The following PDE11A variants were observed in gnomAD, a reference collection of about 807,000 sequenced individuals.
The protein encoded by PDE11A is phosphodiesterase 11A, also known as dual 3',5'-cyclic-AMP and -GMP phosphodiesterase 11A.
In PDE11A, 100 loss-of-function variants were observed where a neutral mutation model predicts 100.5. That is an observed-to-expected ratio of 1.00 (90% CI 0.85 to 1.18). The LOEUF is 1.18. Ranked by LOEUF, PDE11A falls within the 50% of genes most tolerant of loss-of-function variation. PDE11A has a pLI of 0.00. For missense variants in PDE11A, 1,141 were observed against 1,152.6 expected (o/e 0.99, Z 0.15); for synonymous variants, 381 against 420.8 (o/e 0.91, Z 1.16).
At chr2:177,895,318 C>T (rs949904584) in intron 4 of PDE11A, among the ~76,000 whole-genome samples, 3 of 151,950 alleles carry the variant, frequency 2.0e-5, no homozygotes, top group African/African-American at 7.3e-5. Context: ...TTTGGGAGGC[C>T]GAGGTGGGTG....
chr2:177,993,924 C>A (rs4893994), intron 2 of PDE11A, among the ~76,000 whole-genome samples: 90,850 of 150,324 alleles, frequency 0.6, 28,821 homozygotes, highest in Admixed American at 0.72. Context: ...AGATTAGACT[C>A]CGCAAATGTA....
intron 1 of PDE11A, among the ~76,000 whole-genome samples, chr2:178,107,279 G>A (rs954357898): frequency 6.6e-6 from 1 of 151,902 alleles, no homozygotes; most frequent in Non-Finnish European, 1.5e-5. Context: ...GAGCAGGATA[G>A]CAAGGGATAG....
chr2:177,781,923 T>C (rs1018241851), intron 9 of PDE11A, among the ~76,000 whole-genome samples: 11 of 152,194 alleles, frequency 7.2e-5, no homozygotes, highest in East Asian at 3.8e-4. Flanking sequence ...GGATGAGAAA[T>C]TCATTCACCA....
intron 2 of PDE11A, among the ~76,000 whole-genome samples, chr2:177,948,616 A>G (rs1453124739): frequency 6.6e-6 from 1 of 152,252 alleles, no homozygotes; most frequent in African/African-American, 2.4e-5. Flanking sequence ...TAAAAAATTA[A>G]TAACAGGCTG....
At chr2:178,028,583 T>C (rs920793221) in intron 1 of PDE11A, among the ~76,000 whole-genome samples, 2 of 152,212 alleles carry the variant, frequency 1.3e-5, no homozygotes, top group African/African-American at 4.8e-5. Context: ...ATCTAAGCTA[T>C]TCCACCTTGG....
intron 19 of PDE11A, among the ~76,000 whole-genome samples, chr2:177,653,710 A>C (rs1410486316): frequency 6.6e-6 from 1 of 152,254 alleles, no homozygotes; most frequent in Non-Finnish European, 1.5e-5. Context: ...GGAGAGATGC[A>C]TGGAACGGAC....
At chr2:177,968,644 A>T (rs726985) in intron 2 of PDE11A, among the ~76,000 whole-genome samples, 4,993 of 152,296 alleles carry the variant, frequency 0.033, 115 homozygotes, top group Non-Finnish European at 0.048. Flanking sequence ...TTTTTCCATT[A>T]TTAAAAACTC....
intron 1 of PDE11A, among the ~76,000 whole-genome samples, chr2:178,070,468 C>T (rs2087111496): frequency 1.3e-5 from 2 of 152,108 alleles, no homozygotes; most frequent in Admixed American, 1.3e-4. Flanking sequence ...CATGTAGCTC[C>T]CTGAGACCAC....
At chr2:177,680,972 G>T in intron 15 of PDE11A, 69 bp from the exon 16 acceptor site, 2 of 822,020 alleles carry the variant, frequency 2.4e-6, no homozygotes, top group South Asian at 1.5e-5. Flanking sequence ...TCTGTGGGGT[G>T]ACATAAACAC....
intron 1 of PDE11A, among the ~76,000 whole-genome samples, chr2:178,027,585 C>A (rs541601349): frequency 2.0e-5 from 3 of 152,096 alleles, no homozygotes; most frequent in Admixed American, 1.3e-4. Context: ...AAGATATAAG[C>A]GAGTCCAAGC....
At chr2:177,736,822 G>A (rs2081791260) in intron 10 of PDE11A, among the ~76,000 whole-genome samples, 3 of 152,250 alleles carry the variant, frequency 2.0e-5, no homozygotes, top group South Asian at 2.1e-4. Context: ...ATGGAAGAGC[G>A]GTAAGGACTT....
At chr2:177,738,666 T>C (rs968223822) in intron 10 of PDE11A, among the ~76,000 whole-genome samples, 1 of 152,208 alleles carries the variant, frequency 6.6e-6, no homozygotes, top group Non-Finnish European at 1.5e-5. Flanking sequence ...TGGGTCTTTC[T>C]TGAGTCCTCA....
chr2:178,057,043 A>G (rs975199095), intron 1 of PDE11A, among the ~76,000 whole-genome samples: 3 of 152,178 alleles, frequency 2.0e-5, no homozygotes, highest in African/African-American at 7.2e-5. Flanking sequence ...CAGAAAGACT[A>G]AGAGAAAAGA....
intron 17 of PDE11A, among the ~76,000 whole-genome samples, chr2:177,672,367 T>C (rs1187876084): frequency 6.6e-6 from 1 of 152,222 alleles, no homozygotes; most frequent in Non-Finnish European, 1.5e-5. Flanking sequence ...TTTATTTGTG[T>C]TGAACAACTG....
intron 9 of PDE11A, among the ~76,000 whole-genome samples, chr2:177,794,854 T>C (rs1438930639): frequency 1.3e-5 from 2 of 152,068 alleles, no homozygotes; most frequent in Admixed American, 6.6e-5. Flanking sequence ...GTCACGATCT[T>C]GGCTCACTGC....
chr2:177,982,776 G>A (rs2085898758), intron 2 of PDE11A, among the ~76,000 whole-genome samples: 1 of 150,786 alleles, frequency 6.6e-6, no homozygotes, highest in Non-Finnish European at 1.5e-5. Context: ...CCAGCCTCTT[G>A]TTACACTATA....
In PDE11A at chr2:177,839,584, C is replaced by T. The variant is rs913213597; in HGVS notation, c.1500+667G>A. On this transcript the variant is annotated intron_variant, in intron 6 of 19. Transcript: ENST00000286063. Reference sequence around the variant, plus strand: ...ACATTAGATCATCTCACTTCCCCAACTCCCCATGCCTGCTCAGCTTTGCCT... The same window carrying T: ...ACATTAGATCATCTCACTTCCCCAATTCCCCATGCCTGCTCAGCTTTGCCT... Among the ~76,000 whole-genome samples the T allele has an allele frequency of 2.0e-5, 3 of 152,314 alleles. No homozygotes were observed. In the East Asian group the frequency reaches 5.8e-4, roughly 29 times the overall value.
intron 2 of PDE11A, among the ~76,000 whole-genome samples, chr2:177,982,751 G>A (rs1183790530): frequency 6.6e-6 from 1 of 150,598 alleles, no homozygotes; most frequent in Non-Finnish European, 1.5e-5. Context: ...CCAAAAAAAA[G>A]AATTCAAATG....
At chr2:177,940,928 T>A (rs773497058) in intron 2 of PDE11A, among the ~76,000 whole-genome samples, 4 of 152,146 alleles carry the variant, frequency 2.6e-5, no homozygotes, top group Non-Finnish European at 5.9e-5. Flanking sequence ...AAGCTTTACA[T>A]GACCATATTT....
Sources: allele counts gnomAD v4.1 joint callset (sites outside exome capture counted in the v4.1 genomes callset), GRCh38; gene constraint gnomAD v4.1.1; transcripts MANE v1.5; gene names NCBI Gene and HGNC (gene_info 2026-07-23, HGNC 2026-07-21).